The following SATB2 variants were observed in gnomAD, a reference collection of about 807,000 sequenced individuals.
SATB2 encodes DNA-binding protein SATB2.
A neutral mutation model predicts 73.4 loss-of-function variants in SATB2; 1 was observed. That is an observed-to-expected ratio of 0.01 (90% CI 0.00 to 0.06). The LOEUF (loss-of-function observed/expected upper bound fraction) is 0.06. SATB2 is among the 10% of genes least tolerant of loss of function. SATB2 has a pLI of 1.00. For synonymous variants in SATB2, 397 were observed against 367.0 expected (o/e 1.08, Z -0.93); for missense variants, 459 against 945.8 (o/e 0.49, Z 6.75).
intron 5 of SATB2, among the ~76,000 whole-genome samples, chr2:199,376,255 G>A (rs1466165897): frequency 6.6e-6 from 1 of 152,124 alleles, no homozygotes; most frequent in Non-Finnish European, 1.5e-5. Context: ...AATGTGCTGG[G>A]CATCAATCAC....
intron 3 of SATB2, among the ~76,000 whole-genome samples, chr2:199,431,033 G>A (rs1469681697): frequency 2.0e-5 from 3 of 152,142 alleles, no homozygotes; most frequent in Non-Finnish European, 4.4e-5. Flanking sequence ...GCTTTAAATG[G>A]ATTTGCCAGG....
intron 6 of SATB2, among the ~76,000 whole-genome samples, chr2:199,355,360 A>ATATATATATATCTATATATATATATATC (rs1688950455): frequency 1.4e-5 from 2 of 144,214 alleles, no homozygotes; most frequent in African/African-American, 5.0e-5. Flanking sequence ...ATATATATAT[A>ATATATATATATCTATATATATATATATC]TATATATATA....
In SATB2 at chr2:199,270,877, T is replaced by TG. The variant is rs2105703683; in HGVS notation, c.*1333_*1334insC. 1 of 152,464 alleles carries TG rather than the reference T, an allele frequency of 6.6e-6. No homozygotes were observed. Among genetic ancestry groups the TG allele is most frequent in the Non-Finnish European group, 1.5e-5 (1 of 68,032 alleles). The allele number at this position is 152,464 out of a possible 1,614,324, so 9.4% of individuals were successfully genotyped here. On this transcript the variant is annotated 3_prime_UTR_variant, in exon 11 of 11. Transcript: ENST00000417098. ...ACAACGATTCAAAAACAGTTCTTGT[T>TG]AGGGCTGTCATCCCAGGAAAAGGGA...
rs935535758 is a variant in SATB2 at position 199,320,017 on chromosome 2, G to C, written c.1542+3786C>G. Among the ~76,000 whole-genome samples the C allele has an allele frequency of 2.0e-5, 3 of 152,036 alleles. No individual in the cohort carries two copies. The East Asian group carries it at 5.8e-4, about 29-fold the overall frequency. ...TCTAGATTTCTACAACCCAGATCAC[G>C]GGTGATTGGGTAAAATTGGGAAGAA... On this transcript the variant is annotated intron_variant, in intron 9 of 10. Transcript: ENST00000417098.
At position 199,386,689 on chromosome 2, in the gene SATB2, T is replaced by C. The variant is rs968948585; in HGVS notation, c.347-4869A>G. Among the ~76,000 whole-genome samples, 91 of 36,832 alleles carry C rather than the reference T, an allele frequency of 2.5e-3. 1 individual carries two copies. Among genetic ancestry groups the C allele is most frequent in the Non-Finnish European group, 3.2e-3 (76 of 23,920 alleles). The allele number at this position is 36,832 out of a possible 152,430, so 24.2% of individuals were successfully genotyped here. A position where few individuals can be genotyped will look rare whatever the true frequency, so the allele number is the denominator to read the frequency against. On this transcript the variant is annotated intron_variant, in intron 3 of 10. Coordinates refer to ENST00000417098, the MANE Select transcript of SATB2 (RefSeq NM_001172509.2). Reference sequence around the variant, plus strand: ...TAAATTAGGAAATATTTCATACACGTGCGCAAGCGCGCGCGCGCGCGCGCG... The same window carrying C: ...TAAATTAGGAAATATTTCATACACGCGCGCAAGCGCGCGCGCGCGCGCGCG...
At chr2:199,397,843 A>C (rs573995835) in intron 3 of SATB2, 1 of 376,942 alleles carries the variant, frequency 2.7e-6, no homozygotes, top group East Asian at 9.9e-5. Flanking sequence ...TCTCCAGCCT[A>C]GGCGACAAAG....
intron 9 of SATB2, among the ~76,000 whole-genome samples, chr2:199,322,468 T>C (rs1178962339): frequency 6.6e-6 from 1 of 152,200 alleles, no homozygotes; most frequent in Non-Finnish European, 1.5e-5. Context: ...CTCTATGGTA[T>C]TTTCTTTTCA....
chr2:199,348,469 C>CA (rs1375657939), intron 7 of SATB2: 1 of 540,110 alleles, frequency 1.9e-6, no homozygotes, highest in Admixed American at 3.3e-5. Flanking sequence ...TCCTGAGTTG[C>CA]ATGTTGGGTT....
intron 2 of SATB2, among the ~76,000 whole-genome samples, chr2:199,452,584 T>C (rs959494442): frequency 2.6e-5 from 4 of 152,168 alleles, no homozygotes; most frequent in Non-Finnish European, 5.9e-5. Flanking sequence ...TTCACAAATA[T>C]AAATTTCCCC....
At chr2:199,358,285 A>G (rs1689044784) in intron 6 of SATB2, among the ~76,000 whole-genome samples, 1 of 152,120 alleles carries the variant, frequency 6.6e-6, no homozygotes, top group East Asian at 1.9e-4. Flanking sequence ...TATAAGGTCA[A>G]TTTATTATAC....
intron 10 of SATB2, among the ~76,000 whole-genome samples, chr2:199,277,408 C>G (rs1692349043): frequency 6.6e-6 from 1 of 152,156 alleles, no homozygotes; most frequent in Non-Finnish European, 1.5e-5. Context: ...GCAAACACCT[C>G]TCTTCATGTG....
chr2:199,303,775 A>G (rs1484756994), intron 10 of SATB2, among the ~76,000 whole-genome samples: 1 of 152,172 alleles, frequency 6.6e-6, no homozygotes, highest in Non-Finnish European at 1.5e-5. Context: ...AAATCGCCTG[A>G]GAAGCAACCC....
intron 3 of SATB2, among the ~76,000 whole-genome samples, chr2:199,420,413 G>A (rs886726511): frequency 2.0e-5 from 3 of 152,040 alleles, no homozygotes; most frequent in African/African-American, 7.2e-5. Context: ...TCCAATAGGA[G>A]ATGAGAAAAA....
intron 3 of SATB2, among the ~76,000 whole-genome samples, chr2:199,407,384 C>T (rs1006271200): frequency 9.2e-5 from 14 of 151,516 alleles, no homozygotes; most frequent in African/African-American, 3.4e-4. Flanking sequence ...AGAGGTGAGG[C>T]CAGGATCTGA....
At chr2:199,273,836 T>A (rs754301556) in intron 10 of SATB2, among the ~76,000 whole-genome samples, 250 of 152,288 alleles carry the variant, frequency 1.6e-3, no homozygotes, top group Admixed American at 3.1e-3. Flanking sequence ...TTAGGTAAGC[T>A]TACTCAAAGG....
At chr2:199,339,856 T>C (rs1688453088) in intron 7 of SATB2, among the ~76,000 whole-genome samples, 1 of 152,224 alleles carries the variant, frequency 6.6e-6, no homozygotes, top group African/African-American at 2.4e-5. Flanking sequence ...AAAAACTGAC[T>C]GGTAACACAC....
intron 9 of SATB2, among the ~76,000 whole-genome samples, chr2:199,309,392 C>T (rs1687531353): frequency 6.6e-6 from 1 of 152,180 alleles, no homozygotes; most frequent in African/African-American, 2.4e-5. Context: ...TAGGTGTAAA[C>T]AACACTGAAT....
At chr2:199,384,492 C>T (rs984572117) in intron 3 of SATB2, among the ~76,000 whole-genome samples, 1 of 152,254 alleles carries the variant, frequency 6.6e-6, no homozygotes, top group African/African-American at 2.4e-5. Context: ...CAAACAGGGT[C>T]TCTGTCTAAC....
chr2:199,416,315 A>G (rs536652806), intron 3 of SATB2, among the ~76,000 whole-genome samples: 35 of 152,362 alleles, frequency 2.3e-4, no homozygotes, highest in African/African-American at 8.4e-4. Flanking sequence ...TCCACTAATA[A>G]TTATATTTGA....
Sources: gnomAD v4.1 joint callset for allele counts (sites outside exome capture counted in the v4.1 genomes callset) on GRCh38, gnomAD v4.1.1 for gene constraint, MANE v1.5 for transcripts, NCBI Gene and HGNC (gene_info 2026-07-23, HGNC 2026-07-21) for gene names.